Variants in ZMYM2 observed in about 807,000 individuals in gnomAD.
ZMYM2 encodes zinc finger MYM-type protein 2.
In ZMYM2, 56 loss-of-function variants were observed where a neutral mutation model predicts 162.8. The ratio of observed to expected loss-of-function variants is 0.34; its 90% CI spans 0.28 to 0.43. The LOEUF is 0.43. Ranked by LOEUF, ZMYM2 falls within the 20% of genes least tolerant of loss-of-function variation. The pLI is 1.00. For synonymous variants in ZMYM2, 510 were observed against 541.6 expected (o/e 0.94, Z 0.81); for missense variants, 1,275 against 1,621.8 (o/e 0.79, Z 3.67).
the ZMYM2 span, chr13:19,864,850 C>T: frequency 2.6e-5 from 4 of 151,206 alleles, no homozygotes; most frequent in Admixed American, 2.0e-4. Flanking sequence ...TCTTTTGTTC[C>T]TCGTCTACAC....
At chr13:20,058,887 T>G (rs1459960618) in intron 15 of ZMYM2, 183 bp downstream of exon 15, 1 of 818,602 alleles carries the variant, frequency 1.2e-6, no homozygotes, top group Non-Finnish European at 2.1e-6. Context: ...TTTAAATCAT[T>G]ATGATCAATC....
chr13:19,918,170 T>C, the ZMYM2 span, among the ~76,000 whole-genome samples: 3 of 152,238 alleles, frequency 2.0e-5, no homozygotes, highest in Admixed American at 6.5e-5. Context: ...ATTGGCCGCA[T>C]GTAGTGGCTC....
chr13:19,879,098 C>A, the ZMYM2 span, among the ~76,000 whole-genome samples: 1 of 152,006 alleles, frequency 6.6e-6, no homozygotes, highest in South Asian at 2.1e-4. Context: ...CTTTTGTTTT[C>A]TTCTAAGAGT....
intron 6 of ZMYM2, among the ~76,000 whole-genome samples, chr13:20,008,124 T>C (rs1214134310): frequency 6.6e-6 from 1 of 152,098 alleles, no homozygotes; most frequent in Non-Finnish European, 1.5e-5. Context: ...TAACTATAAT[T>C]GTTGTTGTTT....
chr13:19,945,285 T>G, the ZMYM2 span, among the ~76,000 whole-genome samples: 2 of 152,138 alleles, frequency 1.3e-5, no homozygotes, highest in Admixed American at 1.3e-4. Flanking sequence ...AGAATCTCAC[T>G]CTGTCACCCA....
chr13:20,062,512 T>G (rs1956308003), intron 17 of ZMYM2, among the ~76,000 whole-genome samples: 1 of 152,228 alleles, frequency 6.6e-6, no homozygotes, highest in Admixed American at 6.5e-5. Flanking sequence ...TTGTCTACCC[T>G]CATTAGTTTA....
intron 2 of ZMYM2, among the ~76,000 whole-genome samples, chr13:19,967,261 A>G (rs1955871843): frequency 1.3e-5 from 2 of 152,110 alleles, no homozygotes; most frequent in African/African-American, 4.8e-5. Context: ...ATTACAGTAA[A>G]CTCGTGAATT....
the ZMYM2 span, among the ~76,000 whole-genome samples, chr13:19,870,121 C>T: frequency 3.3e-5 from 5 of 152,050 alleles, no homozygotes; most frequent in African/African-American, 1.2e-4. Flanking sequence ...GGCTTCAGCT[C>T]TTCTCTAGTT....
At chr13:19,985,575 C>T (rs373037930) in intron 2 of ZMYM2, among the ~76,000 whole-genome samples, 10 of 151,892 alleles carry the variant, frequency 6.6e-5, no homozygotes, top group African/African-American at 1.7e-4. Flanking sequence ...GGCACAGTGG[C>T]GCCTGTAATC....
At chr13:20,057,100 T>G in intron 14 of ZMYM2, among the ~76,000 whole-genome samples, 1 of 152,032 alleles carries the variant, frequency 6.6e-6, no homozygotes, top group East Asian at 1.9e-4. Context: ...TTAATGTTTG[T>G]TTTGTTTTTG....
chr13:20,027,358 A>G (rs759066334), intron 9 of ZMYM2, 40 bp downstream of exon 9: 18 of 1,417,422 alleles, frequency 1.3e-5, no homozygotes, highest in Non-Finnish European at 1.3e-5. Flanking sequence ...CCCCAATAAA[A>G]TACACATAGA....
At chr13:20,027,690 C>T (rs1952710937) in intron 9 of ZMYM2, among the ~76,000 whole-genome samples, 1 of 152,072 alleles carries the variant, frequency 6.6e-6, no homozygotes, top group South Asian at 2.1e-4. Flanking sequence ...GATAAGAATA[C>T]TTGCTTTCTT....
Position 20,051,415 on chromosome 13 carries a change from C to T in ZMYM2, c.2293-18C>T. ...AAAAATAATTTGCAATATCTGAAAC[C>T]TTCCTTTTTAAATTAAGGCTGCAAG... On this transcript the variant is annotated intron_variant, in intron 12 of 24. Transcript: ENST00000610343. The T allele has an allele frequency of 6.2e-7, 1 of 1,604,288 alleles. No homozygotes were observed. Among genetic ancestry groups the T allele is most frequent in the Non-Finnish European group, 8.5e-7 (1 of 1,177,060 alleles).
At chr13:20,084,204 G>A (rs1281976022) in intron 24 of ZMYM2, among the ~76,000 whole-genome samples, 4 of 152,108 alleles carry the variant, frequency 2.6e-5, no homozygotes, top group Non-Finnish European at 4.4e-5. Context: ...GTAGAGACAG[G>A]ATCTCACTGT....
intron 10 of ZMYM2, 31 bp from the exon 11 acceptor site, chr13:20,034,223 A>G: frequency 2.5e-6 from 2 of 788,166 alleles, no homozygotes; most frequent in Non-Finnish European, 3.5e-6. Flanking sequence ...TTGTCGTCAT[A>G]TACTTACCAA....
rs773207337 is a variant in ZMYM2 at position 20,062,978 on chromosome 13, A to C, written c.3037+7A>C. On this transcript the variant is annotated splice_region_variant and intron_variant, in intron 18 of 24. Transcript: ENST00000610343. ...GAAATAGATTTTCCCAGAGGTACTC[A>C]AAACCTTTATGACTATGGAATTTAG... 2.4e-5 allele frequency: 39 copies of C among 1,595,240 alleles called. No individual in the cohort carries two copies. Among genetic ancestry groups the C allele is most frequent in the Middle Eastern group, 3.3e-4 (2 of 6,056 alleles).
chr13:19,864,512 C>T, the ZMYM2 span: 4 of 154,928 alleles, frequency 2.6e-5, no homozygotes, highest in Middle Eastern at 5.3e-4. Flanking sequence ...AGACGCAGCT[C>T]CCCGCCTCCA....
At chr13:19,937,324 G>C in the ZMYM2 span, among the ~76,000 whole-genome samples, 2 of 151,978 alleles carry the variant, frequency 1.3e-5, no homozygotes, top group African/African-American at 4.8e-5. Flanking sequence ...TTTTTTAGTA[G>C]AGAAGGGGTT....
chr13:19,870,488 T>TTTCCC, the ZMYM2 span, among the ~76,000 whole-genome samples: 1 of 150,908 alleles, frequency 6.6e-6, no homozygotes, highest in African/African-American at 2.4e-5. Flanking sequence ...CTTCCCCTCC[T>TTTCCC]TTCCCTTCCC....
Sources: gnomAD v4.1 joint callset for allele counts (sites outside exome capture counted in the v4.1 genomes callset) on GRCh38, gnomAD v4.1.1 for gene constraint, MANE v1.5 for transcripts, NCBI Gene and HGNC (gene_info 2026-07-23, HGNC 2026-07-21) for gene names.